The following CDH8 variants were observed in gnomAD, a reference collection of about 807,000 sequenced individuals.
CDH8 encodes the protein cadherin 8.
In CDH8, 17 loss-of-function variants were observed where a neutral mutation model predicts 68.1. The ratio of observed to expected loss-of-function variants is 0.25; its 90% confidence interval spans 0.17 to 0.37. CDH8 has a LOEUF of 0.37. Among genes scored for constraint, CDH8 ranks in the 10% least tolerant of loss-of-function variants. The probability of loss-of-function intolerance (pLI) is 1.00; values close to 1 mark genes in which losing one functional copy is unlikely to be tolerated. For missense variants in CDH8, 763 were observed against 999.3 expected (o/e 0.76, Z 3.19); for synonymous variants, 372 against 365.1 (o/e 1.02, Z -0.21).
intron 2 of CDH8, among the ~76,000 whole-genome samples, chr16:61,922,116 G>A (rs1016129258): frequency 2.0e-5 from 3 of 151,988 alleles, no homozygotes; most frequent in African/African-American, 7.2e-5. Context: ...AAAATAAAAC[G>A]AAGTCTCAAT....
At chr16:61,982,119 T>C (rs1205648971) in intron 2 of CDH8, among the ~76,000 whole-genome samples, 1 of 152,218 alleles carries the variant, frequency 6.6e-6, no homozygotes, top group Non-Finnish European at 1.5e-5. Flanking sequence ...AATGTATATA[T>C]AGCAGATCAT....
intron 2 of CDH8, among the ~76,000 whole-genome samples, chr16:61,996,310 G>A (rs1460832393): frequency 6.6e-6 from 1 of 152,120 alleles, no homozygotes; most frequent in African/African-American, 2.4e-5. Flanking sequence ...CGTCATTGCA[G>A]GGAATGGCAA....
chr16:61,677,527 CTACTT>C (rs1193893222), intron 10 of CDH8, among the ~76,000 whole-genome samples: 2 of 151,850 alleles, frequency 1.3e-5, no homozygotes, highest in African/African-American at 4.8e-5. Flanking sequence ...TGTTTTGCTG[CTACTT>C]TATACAGTCA....
rs113950059 is a variant in CDH8 at position 61,699,817 on chromosome 16, C to T, written c.1654+14024G>A. Among the ~76,000 whole-genome samples, 1,106 of 152,310 alleles carry T rather than the reference C, an allele frequency of 7.3e-3. 17 individuals carry two copies. The highest frequency in any genetic ancestry group is 0.026 in the African/African-American group (1,064 of 41,570). ...CCTTGAACTCCTGACCATAGGTGAT[C>T]TGCCTGCCTCGGCCTCCCAAAATGT... On this transcript the variant is annotated intron_variant, in intron 10 of 11. Coordinates refer to ENST00000577390, the MANE Select transcript of CDH8 (RefSeq NM_001796.5).
chr16:61,923,728 T>C (rs995553895), intron 2 of CDH8, among the ~76,000 whole-genome samples: 15 of 148,306 alleles, frequency 1.0e-4, no homozygotes, highest in South Asian at 6.3e-4. Context: ...CTAGAGGATA[T>C]ATATATATAT....
chr16:61,741,864 C>T (rs780971679), intron 8 of CDH8, among the ~76,000 whole-genome samples: 5 of 151,980 alleles, frequency 3.3e-5, no homozygotes, highest in Non-Finnish European at 5.9e-5. Context: ...GCATCATTTG[C>T]CAAATTATAC....
chr16:61,916,534 AAAT>A (rs892828753), intron 2 of CDH8, among the ~76,000 whole-genome samples: 3 of 152,054 alleles, frequency 2.0e-5, no homozygotes, highest in South Asian at 2.1e-4. Context: ...GTAAATAAAT[AAAT>A]AATAATAATA....
intron 3 of CDH8, among the ~76,000 whole-genome samples, chr16:61,868,560 G>A (rs1211115457): frequency 6.6e-6 from 1 of 152,094 alleles, no homozygotes; most frequent in Non-Finnish European, 1.5e-5. Context: ...GCTTCAAACG[G>A]AGGCTAGTAT....
intron 2 of CDH8, among the ~76,000 whole-genome samples, chr16:61,907,924 T>C (rs549545970): frequency 6.6e-6 from 1 of 151,230 alleles, no homozygotes; most frequent in East Asian, 2.0e-4. Context: ...GTGCCTGTAG[T>C]CCCAGCTATT....
chr16:61,768,358 C>CCCTT (rs1960669289), intron 8 of CDH8, among the ~76,000 whole-genome samples: 2 of 113,602 alleles, frequency 1.8e-5, no homozygotes, highest in Admixed American at 1.8e-4. Flanking sequence ...CTCTCTCTCT[C>CCCTT]TCTCTCTCTC....
chr16:61,711,714 T>A (rs1964634232), intron 10 of CDH8: 1 of 151,646 alleles, frequency 6.6e-6, no homozygotes, highest in South Asian at 2.1e-4. Context: ...GTTTCATGAT[T>A]TATTTTGTGA....
intron 3 of CDH8, among the ~76,000 whole-genome samples, chr16:61,896,085 C>A (rs1210023406): frequency 6.6e-6 from 1 of 152,064 alleles, no homozygotes; most frequent in Non-Finnish European, 1.5e-5. Context: ...CAAAAACAAT[C>A]CAAATATATA....
intron 7 of CDH8, among the ~76,000 whole-genome samples, chr16:61,811,545 T>A (rs573414956): frequency 6.6e-6 from 1 of 152,304 alleles, no homozygotes; most frequent in East Asian, 1.9e-4. Context: ...ATCTCACTTC[T>A]GAGTATTTAT....
intron 3 of CDH8, among the ~76,000 whole-genome samples, chr16:61,893,413 T>A (rs1172488911): frequency 7.2e-6 from 1 of 138,260 alleles, no homozygotes; most frequent in East Asian, 2.0e-4. Context: ...TGTGTGTGTG[T>A]GAGTGTGTGT....
intron 4 of CDH8, among the ~76,000 whole-genome samples, chr16:61,839,187 T>C (rs1962632559): frequency 6.6e-6 from 1 of 152,164 alleles, no homozygotes; most frequent in Admixed American, 6.6e-5. Flanking sequence ...CAGATTGTAC[T>C]GATGATTATC....
intron 9 of CDH8, among the ~76,000 whole-genome samples, chr16:61,724,103 G>A (rs1959272382): frequency 6.6e-6 from 1 of 150,526 alleles, no homozygotes. Flanking sequence ...TTGTGTAATG[G>A]ACTGTGAACC....
intron 6 of CDH8, 133 bp from the exon 7 acceptor site, chr16:61,817,865 GT>G: frequency 1.4e-6 from 1 of 740,650 alleles, no homozygotes; most frequent in Non-Finnish European, 2.1e-6. Flanking sequence ...TCACTCTCCA[GT>G]CCCCCAGATT....
At chr16:61,758,483 AG>A (rs1431772665) in intron 8 of CDH8, among the ~76,000 whole-genome samples, 2 of 152,052 alleles carry the variant, frequency 1.3e-5, no homozygotes, top group Non-Finnish European at 2.9e-5. Flanking sequence ...TCCAGGCTGG[AG>A]TGCAATGGCA....
In CDH8 at chr16:61,789,502, G is replaced by T; in HGVS notation, c.1278-20C>A. 1 of 1,609,922 alleles carries T rather than the reference G, an allele frequency of 6.2e-7. No individual in the cohort carries two copies. The highest frequency in any genetic ancestry group is 8.5e-7 in the Non-Finnish European group (1 of 1,177,738). On this transcript the variant is annotated intron_variant, in intron 7 of 11. Coordinates refer to ENST00000577390, the MANE Select transcript of CDH8 (RefSeq NM_001796.5). ...GAAAACCTACAAAACAGACACATCTGTAATCTACTTCAATGTTTATATGAT... is the reference window on the plus strand; with the variant it reads ...GAAAACCTACAAAACAGACACATCTTTAATCTACTTCAATGTTTATATGAT...
Sources: gnomAD v4.1 joint callset for allele counts (sites outside exome capture counted in the v4.1 genomes callset) on GRCh38, gnomAD v4.1.1 for gene constraint, MANE v1.5 for transcripts, NCBI Gene and HGNC (gene_info 2026-07-23, HGNC 2026-07-21) for gene names.